Variants in SMCHD1 observed in about 807,000 individuals in gnomAD.
SMCHD1 encodes the protein structural maintenance of chromosomes flexible hinge domain-containing protein 1.
A neutral mutation model predicts 254.7 loss-of-function variants in SMCHD1; 78 were observed. The observed-to-expected ratio is 0.31, with a 90% CI of 0.26 to 0.37. The LOEUF is 0.37. Ranked by LOEUF, SMCHD1 falls within the 10% of genes least tolerant of loss-of-function variation. SMCHD1 has a pLI of 1.00. For synonymous variants in SMCHD1, 766 were observed against 794.9 expected (o/e 0.96, Z 0.61); for missense variants, 1,840 against 2,408.1 (o/e 0.76, Z 4.94).
intron 46 of SMCHD1, 111 bp downstream of exon 46, chr18:2,796,218 C>T: frequency 2.8e-6 from 3 of 1,083,898 alleles, no homozygotes; most frequent in Non-Finnish European, 3.9e-6. Context: ...CAGAACTTAA[C>T]AAAAACTCTT....
chr18:2,670,169 T>C (rs1408359596), intron 3 of SMCHD1, among the ~76,000 whole-genome samples: 1 of 152,206 alleles, frequency 6.6e-6, no homozygotes, highest in East Asian at 1.9e-4. Context: ...TACAGTTGCC[T>C]GCAGGGACTT....
At chr18:2,746,174 A>C (rs1568295353) in intron 29 of SMCHD1, among the ~76,000 whole-genome samples, 1 of 152,168 alleles carries the variant, frequency 6.6e-6, no homozygotes. Flanking sequence ...AAGTAAAAAA[A>C]TAAAATAAAA....
chr18:2,677,268 G>GT (rs1159994110), intron 5 of SMCHD1, among the ~76,000 whole-genome samples: 2 of 151,996 alleles, frequency 1.3e-5, no homozygotes, highest in Non-Finnish European at 1.5e-5. Flanking sequence ...AGTTTATCTG[G>GT]TTTTTTAATA....
intron 10 of SMCHD1, among the ~76,000 whole-genome samples, chr18:2,698,813 A>G (rs2074338423): frequency 6.6e-6 from 1 of 151,836 alleles, no homozygotes; most frequent in Non-Finnish European, 1.5e-5. Context: ...AGTTCCCATA[A>G]GTACATAGGT....
intron 37 of SMCHD1, chr18:2,764,032 A>G: frequency 5.3e-6 from 2 of 375,982 alleles, no homozygotes; most frequent in Non-Finnish European, 9.4e-6. Flanking sequence ...TTTTAACTTT[A>G]GTGACAGTAC....
At chr18:2,787,203 A>G (rs986296447) in intron 45 of SMCHD1, among the ~76,000 whole-genome samples, 1 of 152,160 alleles carries the variant, frequency 6.6e-6, no homozygotes, top group Non-Finnish European at 1.5e-5. Context: ...AGGGGAGGGA[A>G]GGTGCCAGGC....
intron 5 of SMCHD1, among the ~76,000 whole-genome samples, chr18:2,676,439 A>G (rs999112219): frequency 6.6e-6 from 1 of 152,206 alleles, no homozygotes; most frequent in African/African-American, 2.4e-5. Context: ...AAGTAGCCAA[A>G]TAAAGATCTG....
intron 28 of SMCHD1, 36 bp from the exon 29 acceptor site, chr18:2,743,725 A>G (rs970954923): frequency 6.7e-7 from 1 of 1,500,044 alleles, no homozygotes; most frequent in Non-Finnish European, 9.0e-7. Context: ...ACTAAGTGAT[A>G]CCCCCTGTCT....
chr18:2,674,495 A>G (rs1321771006), intron 5 of SMCHD1, among the ~76,000 whole-genome samples: 1 of 152,190 alleles, frequency 6.6e-6, no homozygotes, highest in Non-Finnish European at 1.5e-5. Context: ...CAAAATGTCT[A>G]AAATTGCATG....
Position 2,674,053 on chromosome 18 carries a change from G to C in SMCHD1, c.546G>C (p.Val182=). 1 of 1,598,588 alleles carries C rather than the reference G, an allele frequency of 6.3e-7. No homozygotes were observed. ...CACAAGGAAAACCTGCTGTTGCAGT[G>C]ATAGATAATGGAAGAGGAATGACCT... ...DETQGKPAVA[V]IDNGRGMTSK... The change falls in exon 5 of 48, where the codon GTG becomes GTC. Residue 182 remains valine, a synonymous_variant. Coordinates refer to ENST00000320876, the MANE Select transcript of SMCHD1 (RefSeq NM_015295.3).
At chr18:2,746,577 G>A (rs557838167) in intron 29 of SMCHD1, among the ~76,000 whole-genome samples, 1 of 152,264 alleles carries the variant, frequency 6.6e-6, no homozygotes, top group African/African-American at 2.4e-5. Flanking sequence ...TCTCAAGGGT[G>A]TTTGGTTTTT....
chr18:2,758,589 A>G (rs1335287472), intron 34 of SMCHD1, among the ~76,000 whole-genome samples: 1 of 152,134 alleles, frequency 6.6e-6, no homozygotes, highest in Non-Finnish European at 1.5e-5. Flanking sequence ...TTCCTTCAAT[A>G]TGTCTGCTGG....
chr18:2,756,191 G>C (rs1185228728), intron 34 of SMCHD1, among the ~76,000 whole-genome samples: 4 of 152,126 alleles, frequency 2.6e-5, no homozygotes, highest in Admixed American at 6.5e-5. Flanking sequence ...TGAATGGTCA[G>C]CCAACCTTGC....
chr18:2,656,254 T>C lies in SMCHD1; in HGVS notation c.179T>C (p.Val60Ala). 6.7e-7 allele frequency: 1 copy of C among 1,494,262 alleles called. No individual in the cohort carries two copies. The highest frequency in any genetic ancestry group is 8.8e-7 in the Non-Finnish European group (1 of 1,132,188). 92.6% of individuals were successfully genotyped at this position (1,494,262 alleles called of 1,614,324 possible). The change falls in exon 1 of 48, where the codon GTG becomes GCG. Residue 60 changes from valine (V) to alanine (A), a missense_variant. Transcript: ENST00000320876. ...RSDYAGFRAC[V>A]CQTLGISPEE... is the part of the protein sequence containing the mutation. ...GACTACGCGGGATTTCGCGCGTGTG[T>C]GTGTCAGGTACGCGAAGGGGCGAGG... is the stretch of plus-strand genomic sequence containing the variant.
intron 5 of SMCHD1, among the ~76,000 whole-genome samples, chr18:2,687,978 T>C (rs2074090403): frequency 6.6e-6 from 1 of 152,246 alleles, no homozygotes; most frequent in Non-Finnish European, 1.5e-5. Context: ...TCAGAGCTCT[T>C]CATTTATCAT....
intron 1 of SMCHD1, among the ~76,000 whole-genome samples, chr18:2,660,617 G>A (rs2073222039): frequency 1.3e-5 from 2 of 151,802 alleles, no homozygotes; most frequent in South Asian, 2.1e-4. Flanking sequence ...GGGATTACAG[G>A]CACCAGCCGT....
intron 1 of SMCHD1, among the ~76,000 whole-genome samples, chr18:2,656,875 C>T (rs948289567): frequency 5.3e-5 from 8 of 152,154 alleles, no homozygotes; most frequent in African/African-American, 1.9e-4. Flanking sequence ...CTGTCTGAGC[C>T]CTAACCCTTG....
At chr18:2,667,897 T>G (rs1215758589) in intron 3 of SMCHD1, among the ~76,000 whole-genome samples, 1 of 152,210 alleles carries the variant, frequency 6.6e-6, no homozygotes, top group Non-Finnish European at 1.5e-5. Flanking sequence ...TTTTGTTTTT[T>G]GAGACAGAGT....
intron 3 of SMCHD1, among the ~76,000 whole-genome samples, chr18:2,671,396 A>G (rs1261682634): frequency 6.6e-6 from 1 of 152,128 alleles, no homozygotes; most frequent in Non-Finnish European, 1.5e-5. Context: ...AGTTGAAACC[A>G]TATCAGTTGA....
Sources: allele counts gnomAD v4.1 joint callset (sites outside exome capture counted in the v4.1 genomes callset), GRCh38; gene constraint gnomAD v4.1.1; transcripts MANE v1.5; gene names NCBI Gene and HGNC (gene_info 2026-07-23, HGNC 2026-07-21).